CRTC1: variants seen among roughly 807,000 people sequenced by gnomAD.
CRTC1 encodes CREB regulated transcription coactivator 1, also known as CREB-regulated transcription coactivator 1.
CRTC1 carries 18 observed loss-of-function variants against 66.1 expected under a neutral mutation model. That is an observed-to-expected ratio of 0.27 (90% CI 0.19 to 0.40). CRTC1 has a LOEUF of 0.40. Ranked by LOEUF, CRTC1 falls within the 10% of genes least tolerant of loss-of-function variation. The pLI is 1.00. For missense variants in CRTC1, 669 were observed against 887.9 expected (o/e 0.75, Z 3.13); for synonymous variants, 416 against 398.8 (o/e 1.04, Z -0.51).
rs2054111131 is a variant in CRTC1 at position 18,741,553 on chromosome 19, G to A, written c.127-1357G>A. Among the ~76,000 whole-genome samples, 1 of 152,156 alleles carries A rather than the reference G, an allele frequency of 6.6e-6. No individual in the cohort carries two copies. The highest frequency in any genetic ancestry group is 2.1e-4 in the South Asian group (1 of 4,834). On this transcript the variant is annotated intron_variant, in intron 1 of 13. Transcript: ENST00000321949. This position sits in a 1 kb window ranked among gnomAD's most constrained non-coding sequence, Gnocchi z 4.2. ...GGCGACCTATGCCCAGGTAGGTGTGGGGTGGGAGCTGTAGGACCCCCACCC... is the reference window on the plus strand; with the variant it reads ...GGCGACCTATGCCCAGGTAGGTGTGAGGTGGGAGCTGTAGGACCCCCACCC...
At chr19:18,754,335 A>G (rs1465377485) in intron 6 of CRTC1, among the ~76,000 whole-genome samples, 1 of 152,182 alleles carries the variant, frequency 6.6e-6, no homozygotes, top group African/African-American at 2.4e-5. Context: ...AGCCTGGTCA[A>G]CAAAGTGAGA....
intron 1 of CRTC1, among the ~76,000 whole-genome samples, chr19:18,710,199 A>C (rs2053358648): frequency 2.0e-5 from 3 of 150,576 alleles, no homozygotes; most frequent in Admixed American, 6.6e-5. Context: ...GCACAGCCCC[A>C]CTCACTCGGA....
chr19:18,691,330 A>G (rs980826890), intron 1 of CRTC1, among the ~76,000 whole-genome samples: 1 of 152,056 alleles, frequency 6.6e-6, no homozygotes, highest in African/African-American at 2.4e-5. Flanking sequence ...AGCCTGGGCC[A>G]CAAAGAGGGA....
intron 2 of CRTC1, among the ~76,000 whole-genome samples, chr19:18,743,835 G>C (rs759691711): frequency 7.9e-5 from 12 of 152,262 alleles, no homozygotes; most frequent in Non-Finnish European, 1.6e-4. Flanking sequence ...CATCACTGAT[G>C]CTGGGCGTGT....
In CRTC1 at chr19:18,775,578, T is replaced by C. The variant is rs1038345566; in HGVS notation, c.1513-63T>C. 4.2e-6 allele frequency: 6 copies of C among 1,412,558 alleles called. No homozygotes were observed. The African/African-American group carries it at 8.7e-5, about 20-fold the overall frequency. 87.5% of individuals were successfully genotyped at this position (1,412,558 alleles called of 1,614,324 possible). On this transcript the variant is annotated intron_variant, in intron 12 of 13. Transcript: ENST00000321949. The stretch of plus-strand genomic sequence containing the variant: ...CAGGACAGCCACAGCAGCCAAGGGC[T>C]TGGGGTGGCCAGCTGGGCAGGCCCG...
chr19:18,747,799 C>T (rs2054278783), intron 4 of CRTC1, among the ~76,000 whole-genome samples: 1 of 152,086 alleles, frequency 6.6e-6, no homozygotes, highest in Non-Finnish European at 1.5e-5. Context: ...AAATACAGGC[C>T]AGGCACAGTG....
In CRTC1 at chr19:18,707,223, T is replaced by C. The variant is rs536303662; in HGVS notation, c.126+23395T>C. Among the ~76,000 whole-genome samples, 7 of 152,344 alleles carry C rather than the reference T, an allele frequency of 4.6e-5. No individual in the cohort carries two copies. In the South Asian group the frequency reaches 1.0e-3, roughly 23 times the overall value. ...GTTATAGAGTTACAGTTTTAGTTTT[T>C]TACTTTTATAGTTTTAGCTTTAGAT... On this transcript the variant is annotated intron_variant, in intron 1 of 13. Transcript: ENST00000321949.
At chr19:18,703,140 G>A (rs1436840475) in intron 1 of CRTC1, among the ~76,000 whole-genome samples, 7 of 151,958 alleles carry the variant, frequency 4.6e-5, no homozygotes, top group South Asian at 4.1e-4. Flanking sequence ...CTGCCACCAC[G>A]CCCGGCTAAT....
intron 13 of CRTC1, among the ~76,000 whole-genome samples, chr19:18,776,143 C>G (rs903160809): frequency 6.6e-6 from 1 of 152,254 alleles, no homozygotes; most frequent in Non-Finnish European, 1.5e-5. Context: ...ACGGTGCCCA[C>G]TGCCCAGGCC....
At chr19:18,733,879 G>T (rs2053942382) in intron 1 of CRTC1, among the ~76,000 whole-genome samples, 1 of 152,182 alleles carries the variant, frequency 6.6e-6, no homozygotes, top group South Asian at 2.1e-4. Context: ...ACTTTGGGAG[G>T]CCAAGGATCA....
rs2054099058 is a variant in CRTC1 at position 18,741,002 on chromosome 19, C to T, written c.127-1908C>T. 6.6e-6 allele frequency among the ~76,000 whole-genome samples: 1 copy of T among 152,158 alleles called. No homozygotes were observed. Among genetic ancestry groups the T allele is most frequent in the Non-Finnish European group, 1.5e-5 (1 of 68,028 alleles). Reference sequence around the variant, plus strand: ...CCTGGGCAACAGAGCGAGACTCCATCTCAAAAAAACAAACAAACAACAACA... The same window carrying T: ...CCTGGGCAACAGAGCGAGACTCCATTTCAAAAAAACAAACAAACAACAACA... On this transcript the variant is annotated intron_variant, in intron 1 of 13. Coordinates refer to ENST00000321949, the MANE Select transcript of CRTC1 (RefSeq NM_015321.3). The surrounding 1 kb of genome is among the most constrained non-coding windows in gnomAD (Gnocchi z 4.2).
Position 18,744,077 on chromosome 19 carries a change from G to A in CRTC1, c.243+1051G>A, listed in dbSNP as rs754407799. The A allele has an allele frequency of 4.3e-5, 69 of 1,612,504 alleles. 1 individual carries two copies. The Middle Eastern group carries it at 2.1e-3, about 50-fold the overall frequency. ...CTTTGGGGCCAGGCAAGGCAGCAGC[G>A]TCTCAAAGTCTCGGTTCTTTGCATT... On this transcript the variant is annotated intron_variant, in intron 2 of 13. Coordinates refer to ENST00000321949, the MANE Select transcript of CRTC1 (RefSeq NM_015321.3).
In CRTC1 at chr19:18,734,628, T is replaced by C. The variant is rs546761995; in HGVS notation, c.127-8282T>C. On this transcript the variant is annotated intron_variant, in intron 1 of 13. Coordinates refer to ENST00000321949, the MANE Select transcript of CRTC1 (RefSeq NM_015321.3). ...GAGCCCAGGAGGCTGCAGTGAGCCCTGATCGTGCCGCTGTACTCCAGCCTG... is the reference window on the plus strand; with the variant it reads ...GAGCCCAGGAGGCTGCAGTGAGCCCCGATCGTGCCGCTGTACTCCAGCCTG... Among the ~76,000 whole-genome samples, 11 of 152,160 alleles carry C rather than the reference T, an allele frequency of 7.2e-5. No homozygotes were observed. In the East Asian group the frequency reaches 1.9e-3, roughly 27 times the overall value.
rs2054862656 is a variant in CRTC1 at position 18,771,313 on chromosome 19, G to T, written c.1321-129G>T. On this transcript the variant is annotated intron_variant, in intron 10 of 13. Transcript: ENST00000321949. This position sits in a 1 kb window ranked among gnomAD's most constrained non-coding sequence, Gnocchi z 4.6. Reference sequence around the variant, plus strand: ...CTCCTCTGCCTACCAGTGGGGTGGCGACCATCACCAAGGTGTGAGGGGCGG... The same window carrying T: ...CTCCTCTGCCTACCAGTGGGGTGGCTACCATCACCAAGGTGTGAGGGGCGG... 1.4e-6 allele frequency: 1 copy of T among 705,014 alleles called. No homozygotes were observed. Among genetic ancestry groups the T allele is most frequent in the Non-Finnish European group, 2.3e-6 (1 of 433,134 alleles). The allele number at this position is 705,014 out of a possible 1,614,324, so 43.7% of individuals were successfully genotyped here.
At chr19:18,688,505 C>T (rs979781956) in intron 1 of CRTC1, among the ~76,000 whole-genome samples, 7 of 152,000 alleles carry the variant, frequency 4.6e-5, no homozygotes, top group Admixed American at 6.6e-5. Context: ...GTGGTGCGAT[C>T]TTGACTCACT....
chr19:18,772,935 G>C (rs957173629), intron 11 of CRTC1, among the ~76,000 whole-genome samples: 1 of 152,354 alleles, frequency 6.6e-6, no homozygotes, highest in Admixed American at 6.5e-5. Context: ...GGTGGGGCTG[G>C]TTCCTGAGTG....
At chr19:18,683,939 CGCGCGGCGGGGGCGGGGCTT>C (rs2052623692) in intron 1 of CRTC1, 111 bp downstream of exon 1, 1 of 79,810 alleles carries the variant, frequency 1.3e-5, no homozygotes, top group Non-Finnish European at 2.4e-5. Context: ...GGGCGGGGCG[CGCGCGGCGGGGGCGGGGCTT>C]GGCACGGCCC....
Position 18,751,493 on chromosome 19 carries a change from A to C in CRTC1, c.538+1618A>C, listed in dbSNP as rs555539571. Reference sequence around the variant, plus strand: ...CAGTGAGCCAAGATCACGCCACTGCACTCCAGCCTGGGTGACAAAGTGAAA... The same window carrying C: ...CAGTGAGCCAAGATCACGCCACTGCCCTCCAGCCTGGGTGACAAAGTGAAA... On this transcript the variant is annotated intron_variant, in intron 5 of 13. Transcript: ENST00000321949. Among the ~76,000 whole-genome samples the C allele has an allele frequency of 1.2e-4, 19 of 152,214 alleles. 1 individual carries two copies. The East Asian group carries it at 2.1e-3, about 17-fold the overall frequency.
intron 13 of CRTC1, 112 bp downstream of exon 13, chr19:18,775,933 A>C: frequency 8.3e-7 from 1 of 1,202,374 alleles, no homozygotes; most frequent in East Asian, 2.6e-5. Context: ...CGGGGTTGTG[A>C]CCCAAGCTTG....
Sources: allele counts gnomAD v4.1 joint callset (sites outside exome capture counted in the v4.1 genomes callset), GRCh38; gene constraint gnomAD v4.1.1; non-coding constraint Gnocchi (gnomAD v3.1); transcripts MANE v1.5; gene names NCBI Gene and HGNC (gene_info 2026-07-23, HGNC 2026-07-21).